The following ADAM18 variants were observed in gnomAD, a reference collection of about 807,000 sequenced individuals.
ADAM18 encodes disintegrin and metalloproteinase domain-containing protein 18.
A neutral mutation model predicts 94.4 loss-of-function variants in ADAM18; 117 were observed. The ratio of observed to expected loss-of-function variants is 1.24; its 90% CI spans 1.07 to 1.45. The LOEUF (loss-of-function observed/expected upper bound fraction) is 1.45, where lower values mean the gene tolerates loss of function less well. ADAM18 is among the 40% of genes most tolerant of loss of function. The pLI is 0.00. For synonymous variants in ADAM18, 327 were observed against 291.6 expected, an observed-to-expected ratio of 1.12 and a Z score of -1.24; for missense variants, 936 against 880.0, an observed-to-expected ratio of 1.06 and a Z score of -0.81.
At chr8:39,716,833 C>T (rs1349141598) in intron 18 of ADAM18, among the ~76,000 whole-genome samples, 4 of 151,756 alleles carry the variant, frequency 2.6e-5, no homozygotes, top group South Asian at 4.1e-4. Flanking sequence ...ATATCTATTT[C>T]TCCGTTTAGT....
intron 10 of ADAM18, among the ~76,000 whole-genome samples, chr8:39,642,172 CA>C (rs1362547187): frequency 6.6e-6 from 1 of 152,124 alleles, no homozygotes; most frequent in African/African-American, 2.4e-5. Context: ...AAACCTTTGT[CA>C]GATGCATAGT....
chr8:39,586,179 TATA>T (rs1439057720), intron 2 of ADAM18, among the ~76,000 whole-genome samples: 1 of 152,240 alleles, frequency 6.6e-6, no homozygotes, highest in Admixed American at 6.5e-5. Flanking sequence ...AGTGAACAAT[TATA>T]ATAAAGTATA....
At chr8:39,609,369 A>G in intron 4 of ADAM18, 116 bp from the exon 5 acceptor site, 1 of 731,618 alleles carries the variant, frequency 1.4e-6, no homozygotes, top group Non-Finnish European at 2.2e-6. Context: ...ATATGCATTA[A>G]TAATTAATGA....
In ADAM18 at chr8:39,584,644, C is replaced by T. The variant is rs1818342385; in HGVS notation, c.22C>T (p.Leu8Phe). ...AGCCATGTTCCTTCTCCTCGCCCTC[C>T]TCACTGAGCTTGGAAGACTGCAAGC... Reference protein sequence around the residue: MFLLLALLTELGRLQAHE... With the variant: MFLLLALFTELGRLQAHE... Residue 8 changes from leucine (L) to phenylalanine (F), a missense_variant, in exon 1 of 20, where the codon CTC (leucine) becomes TTC (phenylalanine). Leu to Phe is a conservative substitution (Grantham distance 22). Coordinates refer to ENST00000265707, the MANE Select transcript of ADAM18 (RefSeq NM_014237.3). 1.2e-6 allele frequency: 2 copies of T among 1,613,298 alleles called. No individual in the cohort carries two copies. Among genetic ancestry groups the T allele is most frequent in the Admixed American group, 1.7e-5 (1 of 60,014 alleles).
chr8:39,724,959 A>T (rs2129581931), intron 19 of ADAM18, among the ~76,000 whole-genome samples: 1 of 152,022 alleles, frequency 6.6e-6, no homozygotes, highest in South Asian at 2.1e-4. Flanking sequence ...AATTTTTTAA[A>T]TTTTTTGAGA....
intron 12 of ADAM18, among the ~76,000 whole-genome samples, chr8:39,650,541 A>G (rs1820504603): frequency 6.6e-6 from 1 of 152,240 alleles, no homozygotes; most frequent in Admixed American, 6.5e-5. Flanking sequence ...CTCATTTACA[A>G]TATCTACAAA....
intron 6 of ADAM18, among the ~76,000 whole-genome samples, chr8:39,617,762 T>A (rs1335478574): frequency 6.6e-6 from 1 of 151,838 alleles, no homozygotes; most frequent in Non-Finnish European, 1.5e-5. Flanking sequence ...CCACATGTTC[T>A]CACTGATAAG....
At chr8:39,654,317 G>A (rs1446160559) in intron 12 of ADAM18, among the ~76,000 whole-genome samples, 2 of 151,184 alleles carry the variant, frequency 1.3e-5, no homozygotes, top group Admixed American at 6.6e-5. Context: ...TGATCCACCC[G>A]CCTTGGCCTC....
chr8:39,694,545 G>T (rs766273147), intron 17 of ADAM18, among the ~76,000 whole-genome samples: 2 of 151,298 alleles, frequency 1.3e-5, no homozygotes, highest in African/African-American at 4.8e-5. Context: ...TTGTATCAAG[G>T]TTATGCTATT....
chr8:39,692,729 A>C, intron 17 of ADAM18, 49 bp downstream of exon 17: 2 of 1,441,294 alleles, frequency 1.4e-6, no homozygotes, highest in South Asian at 2.4e-5. Flanking sequence ...TGGGTAATTC[A>C]AATAAACATC....
chr8:39,645,563 C>G, intron 11 of ADAM18, 89 bp downstream of exon 11: 1 of 1,204,794 alleles, frequency 8.3e-7, no homozygotes, highest in African/African-American at 1.5e-5. Flanking sequence ...ATATTCGGCA[C>G]CACATCAATG....
chr8:39,645,388 G>A lies in ADAM18; in HGVS notation c.960G>A (p.Leu320=), dbSNP rs1820350721. ...GATTTTCGGTTATTATAGCTCAACT[G>A]CTTGGCCTTAATGTAGGATTAACAT... The part of the protein sequence containing the change: ...LEGFSVIIAQ[L]LGLNVGLTYD... Residue 320 remains leucine, a synonymous_variant, in exon 11 of 20, where the codon CTG becomes CTA. Coordinates refer to ENST00000265707, the MANE Select transcript of ADAM18 (RefSeq NM_014237.3). 6.2e-7 allele frequency: 1 copy of A among 1,612,434 alleles called. No individual in the cohort carries two copies. Among genetic ancestry groups the A allele is most frequent in the Admixed American group, 1.7e-5 (1 of 59,920 alleles).
At chr8:39,630,762 T>C (rs1819910877) in intron 7 of ADAM18, among the ~76,000 whole-genome samples, 1 of 151,980 alleles carries the variant, frequency 6.6e-6, no homozygotes, top group Admixed American at 6.6e-5. Flanking sequence ...GTGAAATTGT[T>C]ATATCATGGG....
At chr8:39,694,494 G>C (rs980748188) in intron 17 of ADAM18, among the ~76,000 whole-genome samples, 4 of 151,482 alleles carry the variant, frequency 2.6e-5, no homozygotes, top group African/African-American at 9.6e-5. Context: ...TCTATCTTAT[G>C]GATTTGATAG....
At chr8:39,620,040 C>T (rs571715994) in intron 6 of ADAM18, among the ~76,000 whole-genome samples, 65 of 151,918 alleles carry the variant, frequency 4.3e-4, no homozygotes, top group African/African-American at 1.5e-3. Context: ...ATATAGGGAG[C>T]CCAGAAACAG....
intron 14 of ADAM18, among the ~76,000 whole-genome samples, chr8:39,673,178 T>C (rs1408593386): frequency 2.0e-5 from 3 of 152,188 alleles, no homozygotes; most frequent in Non-Finnish European, 4.4e-5. Context: ...TCCTGGAAGA[T>C]AATATTTAAC....
Position 39,663,855 on chromosome 8 carries a change from T to C in ADAM18, c.1291T>C (p.Cys431Arg), listed in dbSNP as rs756635305. 5 of 1,612,402 alleles carry C rather than the reference T, an allele frequency of 3.1e-6. No homozygotes were observed. The Admixed American group carries it at 6.7e-5, about 22-fold the overall frequency. Residue 431 changes from cysteine (C) to arginine (R), a missense_variant, in exon 13 of 20, where the codon TGT becomes CGT. Physicochemically the swap from Cys to Arg is radical, Grantham distance 180 (BLOSUM62 -3). Coordinates refer to ENST00000265707, the MANE Select transcript of ADAM18 (RefSeq NM_014237.3). ...NTCKLKGSVK[C>R]GSGPCCTSKC... Reference sequence around the variant, plus strand: ...ATGTAAACTGAAGGGCTCAGTAAAATGTGGTTCTGGACCATGTTGTACATC... The same window carrying C: ...ATGTAAACTGAAGGGCTCAGTAAAACGTGGTTCTGGACCATGTTGTACATC...
At chr8:39,591,079 C>T (rs916752457) in intron 2 of ADAM18, among the ~76,000 whole-genome samples, 1 of 152,018 alleles carries the variant, frequency 6.6e-6, no homozygotes, top group African/African-American at 2.4e-5. Flanking sequence ...TTGTATAAAC[C>T]TTAATTTAAA....
intron 17 of ADAM18, among the ~76,000 whole-genome samples, chr8:39,696,424 T>C (rs1255500484): frequency 6.6e-6 from 1 of 151,558 alleles, no homozygotes; most frequent in Non-Finnish European, 1.5e-5. Flanking sequence ...TGGTCTTCTG[T>C]TTAATATTAA....
Sources: allele counts gnomAD v4.1 joint callset (sites outside exome capture counted in the v4.1 genomes callset), GRCh38; gene constraint gnomAD v4.1.1; transcripts MANE v1.5; gene names NCBI Gene and HGNC (gene_info 2026-07-23, HGNC 2026-07-21).